The following PPIP5K1 variants were observed in gnomAD, a reference collection of about 807,000 sequenced individuals.
The protein encoded by PPIP5K1 is inositol hexakisphosphate and diphosphoinositol-pentakisphosphate kinase 1.
Under a neutral mutation model 27.7 loss-of-function variants are expected in PPIP5K1, and 6 were observed. That is an observed-to-expected ratio of 0.22 (90% confidence interval 0.12 to 0.43). The LOEUF (loss-of-function observed/expected upper bound fraction) is 0.43, where lower values mean the gene tolerates loss of function less well. PPIP5K1 is among the 20% of genes least tolerant of loss of function. PPIP5K1 has a pLI of 1.00. For missense variants in PPIP5K1, 394 were observed against 635.4 expected, an observed-to-expected ratio of 0.62 and a Z score of 4.08; for synonymous variants, 145 against 242.6, an observed-to-expected ratio of 0.60 and a Z score of 3.74.
chr15:43,538,883 A>G (rs2080279966), intron 31 of PPIP5K1, among the ~76,000 whole-genome samples: 1 of 152,176 alleles, frequency 6.6e-6, no homozygotes, highest in South Asian at 2.1e-4. Flanking sequence ...TGTAGAGATC[A>G]AATAGGGATG....
chr15:43,579,558 T>C (rs2084738330), intron 10 of PPIP5K1, among the ~76,000 whole-genome samples: 1 of 81,770 alleles, frequency 1.2e-5, no homozygotes, highest in Non-Finnish European at 2.0e-5. Flanking sequence ...TATATATACA[T>C]ATATACGTAC....
chr15:43,548,051 C>T (rs1465232774), intron 30 of PPIP5K1, among the ~76,000 whole-genome samples: 1 of 151,948 alleles, frequency 6.6e-6, no homozygotes, highest in Non-Finnish European at 1.5e-5. Flanking sequence ...ACTTTGTCAC[C>T]CAGGCTAGAG....
chr15:43,538,076 CT>C (rs2080150979), intron 31 of PPIP5K1, among the ~76,000 whole-genome samples: 1 of 152,038 alleles, frequency 6.6e-6, no homozygotes, highest in Non-Finnish European at 1.5e-5. Context: ...GTAGGATAAT[CT>C]GAAATTCAGG....
intron 30 of PPIP5K1, among the ~76,000 whole-genome samples, chr15:43,541,344 C>T (rs2080677976): frequency 6.6e-6 from 1 of 152,106 alleles, no homozygotes; most frequent in Non-Finnish European, 1.5e-5. Flanking sequence ...AACTCCTGGG[C>T]TCAAGCAATG....
At chr15:43,550,989 G>A (rs1352999518) in intron 30 of PPIP5K1, among the ~76,000 whole-genome samples, 2 of 151,980 alleles carry the variant, frequency 1.3e-5, no homozygotes, top group Non-Finnish European at 2.9e-5. Context: ...TTGTGCTGTC[G>A]GATTTGGTTT....
intron 30 of PPIP5K1, among the ~76,000 whole-genome samples, chr15:43,546,175 A>G (rs774459917): frequency 6.6e-6 from 1 of 152,180 alleles, no homozygotes; most frequent in Non-Finnish European, 1.5e-5. Context: ...CATTTGGCAT[A>G]ATGTTTTTAA....
At chr15:43,557,982 T>C (rs1468870982) in intron 30 of PPIP5K1, among the ~76,000 whole-genome samples, 2 of 151,826 alleles carry the variant, frequency 1.3e-5, no homozygotes, top group African/African-American at 4.8e-5. Flanking sequence ...TTCTTCACTG[T>C]TCTTGGTTGT....
chr15:43,550,810 A>C (rs776997400), intron 30 of PPIP5K1, among the ~76,000 whole-genome samples: 14 of 152,174 alleles, frequency 9.2e-5, no homozygotes, highest in Non-Finnish European at 1.6e-4. Context: ...TGTTTTTATC[A>C]TGAAAGGGTG....
chr15:43,555,381 TCCTC>T (rs948048937), intron 30 of PPIP5K1, among the ~76,000 whole-genome samples: 67 of 151,786 alleles, frequency 4.4e-4, no homozygotes, highest in African/African-American at 1.5e-3. Context: ...GCTCAGGTGA[TCCTC>T]CCACCTCAGC....
At chr15:43,545,592 C>T (rs896051943) in intron 30 of PPIP5K1, among the ~76,000 whole-genome samples, 8 of 151,442 alleles carry the variant, frequency 5.3e-5, no homozygotes, top group African/African-American at 1.9e-4. Context: ...ATCCTTCTGC[C>T]TTGGCCTCCC....
At chr15:43,554,823 T>C (rs1393967524) in intron 30 of PPIP5K1, among the ~76,000 whole-genome samples, 3 of 151,972 alleles carry the variant, frequency 2.0e-5, no homozygotes, top group East Asian at 1.9e-4. Context: ...AATATTGACA[T>C]TGTTAGAGTA....
chr15:43,542,679 T>TGC (rs1157057653), intron 30 of PPIP5K1, among the ~76,000 whole-genome samples: 1 of 151,080 alleles, frequency 6.6e-6, no homozygotes, highest in Non-Finnish European at 1.5e-5. Flanking sequence ...TGTGTGTGTG[T>TGC]GTGTGTGTGT....
chr15:43,535,413 C>G lies in PPIP5K1; in HGVS notation c.3734G>C (p.Gly1245Ala), dbSNP rs1176934879. Reference sequence around the variant, plus strand: ...ATCACTGAAGCCAAATTGGGAGTTACCATCTACTGTAGTAGGGGAAGAAGG... The same window carrying G: ...ATCACTGAAGCCAAATTGGGAGTTAGCATCTACTGTAGTAGGGGAAGAAGG... ...AGPSSPTTVD[G>A]NSQFGFSDQP... Residue 1245 changes from glycine (G) to alanine (A), a missense_variant, in exon 32 of 32, where the codon GGT becomes GCT. Gly to Ala is a moderately conservative substitution (Grantham distance 60, BLOSUM62 0). Coordinates refer to ENST00000420765, the MANE Select transcript of PPIP5K1 (RefSeq NM_001394395.1). 1 of 1,613,512 alleles carries G rather than the reference C, an allele frequency of 6.2e-7. No individual in the cohort carries two copies. Among genetic ancestry groups the G allele is most frequent in the East Asian group, 2.2e-5 (1 of 44,858 alleles).
In PPIP5K1 at chr15:43,534,439, C is replaced by T. The variant is rs183023792; in HGVS notation, c.*235G>A. On this transcript the variant is annotated 3_prime_UTR_variant, in exon 32 of 32. Coordinates refer to ENST00000420765, the MANE Select transcript of PPIP5K1 (RefSeq NM_001394395.1). The stretch of plus-strand genomic sequence containing the variant: ...CAAAGAGAACTACTTCCCCAGACAC[C>T]GCTGGTGAGAGCTGGCCAGTGAGTT... The T allele has an allele frequency of 1.6e-4, 66 of 405,776 alleles. No homozygotes were observed. In the Middle Eastern group the frequency reaches 1.9e-3, roughly 12 times the overall value. The allele number at this position is 405,776 out of a possible 1,614,324, so 25.1% of individuals were successfully genotyped here.
chr15:43,549,524 A>G (rs2081932103), intron 30 of PPIP5K1, among the ~76,000 whole-genome samples: 1 of 151,992 alleles, frequency 6.6e-6, no homozygotes, highest in Non-Finnish European at 1.5e-5. Context: ...GTGGTGGCAC[A>G]TGCCTGTGGT....
At chr15:43,542,534 C>T (rs2080875948) in intron 30 of PPIP5K1, among the ~76,000 whole-genome samples, 1 of 151,916 alleles carries the variant, frequency 6.6e-6, no homozygotes, top group South Asian at 2.1e-4. Context: ...CAAGTGATTC[C>T]CCTGCCTTGG....
chr15:43,550,298 G>C (rs1391653042), intron 30 of PPIP5K1, among the ~76,000 whole-genome samples: 1 of 151,842 alleles, frequency 6.6e-6, no homozygotes, highest in Non-Finnish European at 1.5e-5. Context: ...AACATGCCTG[G>C]CTAATTTATT....
intron 30 of PPIP5K1, among the ~76,000 whole-genome samples, chr15:43,546,573 G>A (rs1468516421): frequency 2.0e-5 from 3 of 151,652 alleles, no homozygotes; most frequent in African/African-American, 7.3e-5. Context: ...TTACAGGTGT[G>A]AGCCATCATC....
chr15:43,535,547 A>G (rs1470496099), intron 31 of PPIP5K1, 71 bp from the exon 32 acceptor site: 11 of 1,258,180 alleles, frequency 8.7e-6, no homozygotes, highest in African/African-American at 7.5e-5. Flanking sequence ...CAGATAGTTC[A>G]AATGCTAGAA....
Sources: allele counts gnomAD v4.1 joint callset (sites outside exome capture counted in the v4.1 genomes callset), GRCh38; gene constraint gnomAD v4.1.1; transcripts MANE v1.5; gene names NCBI Gene and HGNC (gene_info 2026-07-23, HGNC 2026-07-21).